The following PTDSS1 variants were observed in gnomAD, a reference collection of about 807,000 sequenced individuals.
PTDSS1 encodes phosphatidylserine synthase 1, also known as PSS-1.
Under a neutral mutation model 70.5 loss-of-function variants are expected in PTDSS1, and 45 were observed. The observed-to-expected ratio is 0.64, with a 90% confidence interval of 0.50 to 0.82. PTDSS1 has a LOEUF of 0.82. Ranked by LOEUF, PTDSS1 falls within the 40% of genes least tolerant of loss-of-function variation. PTDSS1 has a pLI of 0.00. For synonymous variants in PTDSS1, 188 were observed against 203.8 expected (o/e 0.92, Z 0.66); for missense variants, 417 against 586.1 (o/e 0.71, Z 2.98).
chr8:96,268,768 T>C (rs1355228359), intron 1 of PTDSS1, among the ~76,000 whole-genome samples: 2 of 152,184 alleles, frequency 1.3e-5, no homozygotes, highest in African/African-American at 4.8e-5. Context: ...GAAAACTTGA[T>C]TGGGATTTTA....
chr8:96,333,022 T>G (rs1055187335), intron 12 of PTDSS1, among the ~76,000 whole-genome samples: 4 of 152,104 alleles, frequency 2.6e-5, no homozygotes, highest in African/African-American at 7.2e-5. Context: ...GTGTCAAGAG[T>G]CTTTCCTGAT....
At chr8:96,275,074 GAA>G (rs1399851913) in intron 2 of PTDSS1, among the ~76,000 whole-genome samples, 1 of 152,166 alleles carries the variant, frequency 6.6e-6, no homozygotes, top group Non-Finnish European at 1.5e-5. Flanking sequence ...ATCACGGTAT[GAA>G]GACAAGTTGT....
chr8:96,288,959 G>A (rs1003808400), intron 4 of PTDSS1, among the ~76,000 whole-genome samples: 19 of 150,746 alleles, frequency 1.3e-4, no homozygotes, highest in Middle Eastern at 7.1e-3. Context: ...TTCCAAGACG[G>A]AGTCTCGCTC....
chr8:96,299,744 A>G lies in PTDSS1; in HGVS notation c.651A>G (p.Gln217=). 1.2e-6 allele frequency: 2 copies of G among 1,614,064 alleles called. No homozygotes were observed. Among genetic ancestry groups the G allele is most frequent in the Non-Finnish European group, 8.5e-7 (1 of 1,180,020 alleles). The change falls in exon 6 of 13, where the codon CAA becomes CAG. Residue 217 remains glutamine (Q), a synonymous_variant. Transcript: ENST00000517309. ...LPNFAECWWD[Q]VILDILLCNG... is the part of the protein sequence containing the mutation. Reference sequence around the variant, plus strand: ...ATTTTGCCGAGTGCTGGTGGGATCAAGTCATTCTGGACATCCTGTTGTGCA... The same window carrying G: ...ATTTTGCCGAGTGCTGGTGGGATCAGGTCATTCTGGACATCCTGTTGTGCA...
intron 10 of PTDSS1, among the ~76,000 whole-genome samples, chr8:96,328,644 G>A (rs1293796744): frequency 6.6e-6 from 1 of 152,168 alleles, no homozygotes; most frequent in African/African-American, 2.4e-5. Flanking sequence ...TAACTGGCAC[G>A]GAAGAGGACA....
chr8:96,306,467 C>T lies in PTDSS1; in HGVS notation c.918C>T (p.Phe306=), dbSNP rs1811126165. 1.2e-6 allele frequency: 2 copies of T among 1,614,036 alleles called. No individual in the cohort carries two copies. The highest frequency in any genetic ancestry group is 2.2e-5 in the East Asian group (1 of 44,880). ...IWQLTELNTF[F]LKHIFVFQAS... ...AGCTGACTGAGTTGAATACCTTCTT[C>T]TTGAAGCATATCTTTGTGTTCCAAG... Residue 306 remains phenylalanine (F), a synonymous_variant, in exon 8 of 13, where the codon TTC becomes TTT. Coordinates refer to ENST00000517309, the MANE Select transcript of PTDSS1 (RefSeq NM_014754.3).
intron 10 of PTDSS1, among the ~76,000 whole-genome samples, chr8:96,322,370 T>G (rs191398043): frequency 6.6e-6 from 1 of 152,158 alleles, no homozygotes; most frequent in Admixed American, 6.5e-5. Context: ...GTGGTACCAG[T>G]ATCTGGCAAG....
At chr8:96,331,851 C>G (rs180811912) in intron 12 of PTDSS1, among the ~76,000 whole-genome samples, 2 of 151,928 alleles carry the variant, frequency 1.3e-5, no homozygotes, top group East Asian at 3.9e-4. Context: ...GTATTTGAGA[C>G]CAGCATGGGC....
At chr8:96,325,755 G>A (rs995532210) in intron 10 of PTDSS1, among the ~76,000 whole-genome samples, 2 of 152,168 alleles carry the variant, frequency 1.3e-5, no homozygotes, top group African/African-American at 4.8e-5. Context: ...GGGGGCTTGA[G>A]AGGGCACAAT....
At position 96,304,126 on chromosome 8, in the gene PTDSS1, C is replaced by T; in HGVS notation, c.839C>T (p.Pro280Leu). The part of the protein sequence containing the change: ...ASWTYVRWFD[P>L]KSSFQRVAGV... ...TGGACCTATGTTCGATGGTTTGACC[C>T]CAAATCTTCTTTTCAGAGAGTAGCT... The change falls in exon 7 of 13, where the codon CCC becomes CTC. Residue 280 changes from proline to leucine, a missense_variant. Around this residue, in one of 3 missense-constraint regions of PTDSS1, gnomAD observed 272 missense variants for 429.5 expected, o/e 0.63. Transcript: ENST00000517309. 1 of 1,613,872 alleles carries T rather than the reference C, an allele frequency of 6.2e-7. No individual in the cohort carries two copies.
Position 96,320,333 on chromosome 8 carries a change from G to A in PTDSS1, c.1161G>A (p.Trp387Ter). Reference sequence around the variant, plus strand: ...CCCAAATACTCTATGTTGTGCTTTGGCTTCTTTGCGTGGTAAGTCACTGCA... The same window carrying A: ...CCCAAATACTCTATGTTGTGCTTTGACTTCTTTGCGTGGTAAGTCACTGCA... ...SKTQILYVVL[W>*]LLCVAFTTFL... The change falls in exon 10 of 13, where the codon TGG (tryptophan) becomes TGA (stop). Residue 387 changes from tryptophan (W) to a stop codon, truncating the protein, a stop_gained. Coordinates refer to ENST00000517309, the MANE Select transcript of PTDSS1 (RefSeq NM_014754.3). LOFTEE classifies it high-confidence loss of function. 1 of 1,608,288 alleles carries A rather than the reference G, an allele frequency of 6.2e-7. No individual in the cohort carries two copies. The highest frequency in any genetic ancestry group is 1.1e-5 in the South Asian group (1 of 90,908).
At chr8:96,270,192 A>G (rs1035596653) in intron 1 of PTDSS1, among the ~76,000 whole-genome samples, 1 of 152,134 alleles carries the variant, frequency 6.6e-6, no homozygotes, top group Non-Finnish European at 1.5e-5. Flanking sequence ...AATGCAGATT[A>G]TGATCATTTC....
intron 9 of PTDSS1, among the ~76,000 whole-genome samples, chr8:96,309,928 C>T (rs984137015): frequency 1.4e-4 from 22 of 151,954 alleles, no homozygotes; most frequent in South Asian, 6.3e-4. Context: ...TTTGGGAGCC[C>T]GAGGTGGGCG....
chr8:96,294,093 T>C (rs1449630498), intron 4 of PTDSS1, among the ~76,000 whole-genome samples: 13 of 152,236 alleles, frequency 8.5e-5, no homozygotes, highest in Admixed American at 8.5e-4. Flanking sequence ...TCTCACATCA[T>C]ACTGCTTCTC....
At chr8:96,283,435 G>A (rs145435365) in intron 2 of PTDSS1, among the ~76,000 whole-genome samples, 1,774 of 152,202 alleles carry the variant, frequency 0.012, 36 homozygotes, top group African/African-American at 0.041. Flanking sequence ...GAAAGTATTG[G>A]CCTATCACTT....
At chr8:96,280,587 T>G (rs1205657448) in intron 2 of PTDSS1, among the ~76,000 whole-genome samples, 1 of 151,640 alleles carries the variant, frequency 6.6e-6, no homozygotes, top group African/African-American at 2.4e-5. Flanking sequence ...AAAAGAAAAA[T>G]AAAATGATGT....
chr8:96,264,631 A>G (rs1384376366), intron 1 of PTDSS1, among the ~76,000 whole-genome samples: 1 of 152,190 alleles, frequency 6.6e-6, no homozygotes, highest in East Asian at 1.9e-4. Context: ...AGAATGAGCC[A>G]TTTGTTTCAG....
At position 96,266,065 on chromosome 8, in the gene PTDSS1, C is replaced by T. The variant is rs1810481683; in HGVS notation, c.179+3846C>T. 2.0e-5 allele frequency among the ~76,000 whole-genome samples: 3 copies of T among 152,398 alleles called. No individual in the cohort carries two copies. The South Asian group carries it at 6.2e-4, about 32-fold the overall frequency. Reference sequence around the variant, plus strand: ...CCTATAAGATACCCTCATATTTACTCTGCATTCAGGGGTTGGTAAACTTGG... The same window carrying T: ...CCTATAAGATACCCTCATATTTACTTTGCATTCAGGGGTTGGTAAACTTGG... On this transcript the variant is annotated intron_variant, in intron 1 of 12. Transcript: ENST00000517309.
At chr8:96,307,442 A>G in intron 8 of PTDSS1, among the ~76,000 whole-genome samples, 1 of 117,258 alleles carries the variant, frequency 8.5e-6, no homozygotes, top group African/African-American at 3.9e-5. Context: ...TCATCATTCA[A>G]TATTACCAAA....
Sources: gnomAD v4.1 joint callset for allele counts (sites outside exome capture counted in the v4.1 genomes callset) on GRCh38, gnomAD v4.1.1 for gene constraint, gnomAD v4.1.1 regional missense constraint, MANE v1.5 for transcripts, NCBI Gene and HGNC (gene_info 2026-07-23, HGNC 2026-07-21) for gene names.